PPP2R2D: variants seen among roughly 807,000 people sequenced by gnomAD.
The protein encoded by PPP2R2D is serine/threonine-protein phosphatase 2A 55 kDa regulatory subunit B delta isoform.
Under a neutral mutation model 31.1 loss-of-function variants are expected in PPP2R2D, and 9 were observed. That is an observed-to-expected ratio of 0.29 (90% CI 0.17 to 0.51). PPP2R2D has a LOEUF of 0.51. PPP2R2D is among the 20% of genes least tolerant of loss of function. The pLI, the probability that PPP2R2D is intolerant of heterozygous loss-of-function variation, is 0.98. For synonymous variants in PPP2R2D, 179 were observed against 172.6 expected (o/e 1.04, Z -0.29); for missense variants, 391 against 465.6 (o/e 0.84, Z 1.48).
At chr10:131,962,978 C>A (rs1196143106), downstream of PPP2R2D, among the ~76,000 whole-genome samples, 1 of 152,196 alleles carries the variant, frequency 6.6e-6, no homozygotes, top group Non-Finnish European at 1.5e-5. Context: ...GCCTGGCCAT[C>A]ATAGTGAAAC....
rs1160868365 is a variant in PPP2R2D, at chr10:131,947,045, T to TA, written c.821-484dup. Among the ~76,000 whole-genome samples, 1 of 152,174 alleles carries TA rather than the reference T, an allele frequency of 6.6e-6. No individual in the cohort carries two copies. Among genetic ancestry groups the TA allele is most frequent in the Middle Eastern group, 3.2e-3 (1 of 316 alleles). On this transcript the variant is annotated intron_variant, in intron 7 of 8. Coordinates refer to ENST00000455566, the MANE Select transcript of PPP2R2D (RefSeq NM_018461.5). The surrounding 1 kb of genome is among the most constrained non-coding windows in gnomAD (Gnocchi z 4.3). ...ACCCTCCAAAAAGCAGGCAGTTTCT[T>TA]AGAGGCACAGACCGCTGTGTCTGCA...
intron 2 of PPP2R2D, among the ~76,000 whole-genome samples, chr10:131,929,568 G>A (rs541911096): frequency 1.8e-4 from 27 of 152,214 alleles, no homozygotes; most frequent in Non-Finnish European, 2.6e-4. Flanking sequence ...CACATCGCCC[G>A]TGTCCTCTCT....
In PPP2R2D at chr10:131,917,398, C is replaced by T. The variant is rs185567162; in HGVS notation, c.100+16068C>T. Among the ~76,000 whole-genome samples, 3 of 125,364 alleles carry T rather than the reference C, an allele frequency of 2.4e-5. 1 individual carries two copies. In the East Asian group the frequency reaches 9.4e-4, roughly 39 times the overall value. 82.2% of individuals were successfully genotyped at this position (125,364 alleles called of 152,430 possible). Reference sequence around the variant, plus strand: ...AATGACACAGTGTAGGGACCTCAGTCGGGTGGAATGACAGTGTTTGTAGGG... The same window carrying T: ...AATGACACAGTGTAGGGACCTCAGTTGGGTGGAATGACAGTGTTTGTAGGG... On this transcript the variant is annotated intron_variant, in intron 2 of 8. Coordinates refer to ENST00000455566, the MANE Select transcript of PPP2R2D (RefSeq NM_018461.5).
At chr10:131,926,904 G>C (rs1336099929) in intron 2 of PPP2R2D, among the ~76,000 whole-genome samples, 1 of 152,218 alleles carries the variant, frequency 6.6e-6, no homozygotes, top group African/African-American at 2.4e-5. Flanking sequence ...TGCCAGAGTA[G>C]GGGTGCGTTG....
Position 131,901,032 on chromosome 10 carries a change from G to GCGGCGGCGGCGGCGGCGC in PPP2R2D, c.-103_-102insGCGCCGGCGGCGGCGGCG, listed in dbSNP as rs2035480160. The GCGGCGGCGGCGGCGGCGC allele has an allele frequency of 6.3e-6, 1 of 158,826 alleles. No individual in the cohort carries two copies. Among genetic ancestry groups the GCGGCGGCGGCGGCGGCGC allele is most frequent in the Admixed American group, 6.6e-5 (1 of 15,074 alleles). 9.8% of individuals were successfully genotyped at this position (158,826 alleles called of 1,614,324 possible). ...AAAAAATCCCTCCCCGGCGGCGGCG[G>GCGGCGGCGGCGGCGGCGC]CGGCGGCGGCGGCGCCGGCGGTGGT... On this transcript the variant is annotated 5_prime_UTR_variant, in exon 1 of 9. Coordinates refer to ENST00000455566, the MANE Select transcript of PPP2R2D (RefSeq NM_018461.5).
intron 2 of PPP2R2D, among the ~76,000 whole-genome samples, chr10:131,925,435 G>A (rs559433712): frequency 2.6e-4 from 39 of 152,242 alleles, no homozygotes; most frequent in African/African-American, 5.3e-4. Flanking sequence ...TTATTAGTAT[G>A]GTGTATTACA....
Position 131,901,146 on chromosome 10 carries a change from G to T in PPP2R2D, c.-3G>T. On this transcript the variant is annotated 5_prime_UTR_variant, in exon 1 of 9. Coordinates refer to ENST00000455566, the MANE Select transcript of PPP2R2D (RefSeq NM_018461.5). ...GTCCCCGCCCGTCCCGCCGCCGGCT[G>T]CCATGGCAGGTGAGGGGTCTGCGCG... The T allele has an allele frequency of 3.4e-6, 1 of 292,124 alleles. No homozygotes were observed. Among genetic ancestry groups the T allele is most frequent in the East Asian group, 5.7e-5 (1 of 17,642 alleles). The allele number at this position is 292,124 out of a possible 1,614,324, so 18.1% of individuals were successfully genotyped here. A position where few individuals can be genotyped will look rare whatever the true frequency, so the allele number is the denominator to read the frequency against.
chr10:131,901,571 C>G (rs1226415627), intron 2 of PPP2R2D, among the ~76,000 whole-genome samples: 1 of 152,128 alleles, frequency 6.6e-6, no homozygotes, highest in Non-Finnish European at 1.5e-5. Flanking sequence ...TGTAAGTCAC[C>G]AAGGTCACGG....
At chr10:131,913,158 T>C (rs2035711688) in intron 2 of PPP2R2D, among the ~76,000 whole-genome samples, 1 of 151,638 alleles carries the variant, frequency 6.6e-6, no homozygotes, top group Non-Finnish European at 1.5e-5. Context: ...GAGGTGTGAT[T>C]ACAGGGATGC....
rs1246082039 is a variant in PPP2R2D, at chr10:131,957,471, A to T, written c.*1508A>T. 16 of 118,740 alleles carry T rather than the reference A, an allele frequency of 1.3e-4. No homozygotes were observed. The East Asian group carries it at 1.5e-3, about 11-fold the overall frequency. The allele number at this position is 118,740 out of a possible 1,614,324, so 7.4% of individuals were successfully genotyped here. A position where few individuals can be genotyped will look rare whatever the true frequency, so the allele number is the denominator to read the frequency against. On this transcript the variant is annotated 3_prime_UTR_variant, in exon 9 of 9. Coordinates refer to ENST00000455566, the MANE Select transcript of PPP2R2D (RefSeq NM_018461.5). The stretch of plus-strand genomic sequence containing the variant: ...AGATGAAGGTGTGTGCTGATTCCTC[A>T]TGCCCCTGTCTGGATGAAGGTGTGT...
Position 131,907,567 on chromosome 10 carries a change from C to A in PPP2R2D, c.100+6237C>A, listed in dbSNP as rs910941561. Among the ~76,000 whole-genome samples, 73 of 152,060 alleles carry A rather than the reference C, an allele frequency of 4.8e-4. 2 individuals carry two copies. The highest frequency in any genetic ancestry group is 1.6e-3 in the African/African-American group (65 of 41,476). On this transcript the variant is annotated intron_variant, in intron 2 of 8. Coordinates refer to ENST00000455566, the MANE Select transcript of PPP2R2D (RefSeq NM_018461.5). ...CATCCTGGCTAACAGGGTGAAACCC[C>A]GTCTCTACTAAAAAAAATACAAAAA... is the stretch of plus-strand genomic sequence containing the variant.
intron 2 of PPP2R2D, among the ~76,000 whole-genome samples, chr10:131,917,760 C>T (rs2035845221): frequency 8.5e-6 from 1 of 117,156 alleles, no homozygotes; most frequent in Non-Finnish European, 1.7e-5. Context: ...ATAGGGACCT[C>T]AGGCGGGTGG....
At position 131,945,187 on chromosome 10, in the gene PPP2R2D, C is replaced by A; in HGVS notation, c.656-108C>A. On this transcript the variant is annotated intron_variant, in intron 6 of 8. Coordinates refer to ENST00000455566, the MANE Select transcript of PPP2R2D (RefSeq NM_018461.5). This position sits in a 1 kb window ranked among gnomAD's most constrained non-coding sequence, Gnocchi z 4.8. ...AACCAGCCTTCTTAATAGCTAATCC[C>A]TTAAACCTCACTGCGTGGATTATTT... 7.5e-7 allele frequency: 1 copy of A among 1,339,900 alleles called. No homozygotes were observed. Among genetic ancestry groups the A allele is most frequent in the South Asian group, 1.4e-5 (1 of 70,664 alleles). 83.0% of individuals were successfully genotyped at this position (1,339,900 alleles called of 1,614,324 possible).
Position 131,944,419 on chromosome 10 carries a change from CA to C in PPP2R2D, c.655+275del, listed in dbSNP as rs59349993. Among the ~76,000 whole-genome samples, 463 of 151,612 alleles carry C rather than the reference CA, an allele frequency of 3.1e-3. 5 individuals are homozygous for C. Among genetic ancestry groups the C allele is most frequent in the African/African-American group, 0.011 (438 of 41,284 alleles). On this transcript the variant is annotated intron_variant, in intron 6 of 8. Coordinates refer to ENST00000455566, the MANE Select transcript of PPP2R2D (RefSeq NM_018461.5). ...ATCAGAGGCAGTTTTAAATAGGCTA[CA>C]TTTGAAAAACCAACATTATGTGTTC...
chr10:131,926,234 T>C (rs2036102892), intron 2 of PPP2R2D, among the ~76,000 whole-genome samples: 1 of 152,236 alleles, frequency 6.6e-6, no homozygotes, highest in Non-Finnish European at 1.5e-5. Flanking sequence ...ATTTTTTTAA[T>C]ATATGGTAGA....
intron 4 of PPP2R2D, 103 bp downstream of exon 4, chr10:131,940,299 A>G (rs2036419440): frequency 1.4e-5 from 8 of 570,920 alleles, no homozygotes; most frequent in Non-Finnish European, 3.2e-6. Flanking sequence ...CCTGCTTTAA[A>G]TTTTGGGGGG....
At position 131,917,467 on chromosome 10, in the gene PPP2R2D, G is replaced by A. The variant is rs1239089427; in HGVS notation, c.100+16137G>A. ...GACAGTGTTTGTAGGGACCTCAGGCGGGTGGAATGACAGTGTTTGTAGGGA... is the reference window on the plus strand; with the variant it reads ...GACAGTGTTTGTAGGGACCTCAGGCAGGTGGAATGACAGTGTTTGTAGGGA... On this transcript the variant is annotated intron_variant, in intron 2 of 8. Coordinates refer to ENST00000455566, the MANE Select transcript of PPP2R2D (RefSeq NM_018461.5). 6.6e-5 allele frequency among the ~76,000 whole-genome samples: 9 copies of A among 136,066 alleles called. 1 individual carries two copies. Among genetic ancestry groups the A allele is most frequent in the African/African-American group, 1.7e-4 (6 of 35,954 alleles). 89.3% of individuals were successfully genotyped at this position (136,066 alleles called of 152,430 possible).
chr10:131,956,130 G>T lies in PPP2R2D; in HGVS notation c.*167G>T. 1 of 1,252,488 alleles carries T rather than the reference G, an allele frequency of 8.0e-7. No homozygotes were observed. The highest frequency in any genetic ancestry group is 1.0e-6 in the Non-Finnish European group (1 of 1,000,426). 77.6% of individuals were successfully genotyped at this position (1,252,488 alleles called of 1,614,324 possible). On this transcript the variant is annotated 3_prime_UTR_variant, in exon 9 of 9. Transcript: ENST00000455566. ...TCCGCTGGAGGCCCGGTGTGGTTCCGCCTCGGCGAGGCGCGAGACAGGCGC... is the reference window on the plus strand; with the variant it reads ...TCCGCTGGAGGCCCGGTGTGGTTCCTCCTCGGCGAGGCGCGAGACAGGCGC...
chr10:131,947,630 G>T lies in PPP2R2D; in HGVS notation c.921G>T (p.Met307Ile). The T allele has an allele frequency of 6.2e-7, 1 of 1,614,224 alleles. No homozygotes were observed. Among genetic ancestry groups the T allele is most frequent in the South Asian group, 1.1e-5 (1 of 91,082 alleles). ...VKFSHSGRYM[M>I]TRDYLSVKVW... is the part of the protein sequence containing the mutation. ...TCAGTCATAGTGGGCGGTACATGAT[G>T]ACCAGAGACTACCTGTCGGTGAAGG... The change falls in exon 8 of 9, where the codon ATG (methionine) becomes ATT (isoleucine). Residue 307 changes from methionine (M) to isoleucine (I), a missense_variant. Physicochemically the swap from Met to Ile is conservative, Grantham distance 10 (BLOSUM62 1). This residue lies in a region of PPP2R2D where 123 missense variants were observed against 187.7 expected (regional missense o/e 0.66). Coordinates refer to ENST00000455566, the MANE Select transcript of PPP2R2D (RefSeq NM_018461.5). This position sits in a 1 kb window ranked among gnomAD's most constrained non-coding sequence, Gnocchi z 4.3.
Sources: allele counts gnomAD v4.1 joint callset (sites outside exome capture counted in the v4.1 genomes callset), GRCh38; gene constraint gnomAD v4.1.1; regional missense constraint gnomAD v4.1.1; non-coding constraint Gnocchi (gnomAD v3.1); transcripts MANE v1.5; gene names NCBI Gene and HGNC (gene_info 2026-07-23, HGNC 2026-07-21).